The following NIBAN1 variants were observed in gnomAD, a reference collection of about 807,000 sequenced individuals.
NIBAN1 encodes niban apoptosis regulator 1.
Under a neutral mutation model 75.1 loss-of-function variants are expected in NIBAN1, and 81 were observed. That is an observed-to-expected ratio of 1.08 (90% CI 0.90 to 1.30). The LOEUF (loss-of-function observed/expected upper bound fraction) is 1.30. Ranked by LOEUF, NIBAN1 falls within the 50% of genes most tolerant of loss-of-function variation. The pLI, the probability that NIBAN1 is intolerant of heterozygous loss-of-function variation, is 0.00. For synonymous variants in NIBAN1, 436 were observed against 424.8 expected (o/e 1.03, Z -0.32); for missense variants, 1,133 against 1,128.1 (o/e 1.00, Z -0.06).
chr1:184,820,677 G>A (rs1654671751), intron 8 of NIBAN1, among the ~76,000 whole-genome samples: 1 of 152,242 alleles, frequency 6.6e-6, no homozygotes, highest in Admixed American at 6.5e-5. Flanking sequence ...CTGAAGTGAA[G>A]GAAGGAGCTG....
At chr1:184,842,391 A>C (rs1055856408) in intron 5 of NIBAN1, among the ~76,000 whole-genome samples, 2 of 152,232 alleles carry the variant, frequency 1.3e-5, no homozygotes, top group African/African-American at 4.8e-5. Context: ...CTGATGCTAC[A>C]GGTCCAGGAA....
At chr1:184,917,436 T>TCTC (rs1350012418) in intron 1 of NIBAN1, among the ~76,000 whole-genome samples, 5 of 147,640 alleles carry the variant, frequency 3.4e-5, no homozygotes, top group Non-Finnish European at 3.0e-5. Flanking sequence ...AAGGTCTTGA[T>TCTC]CTGACCTCGT....
intron 1 of NIBAN1, among the ~76,000 whole-genome samples, chr1:184,909,460 T>C (rs542340423): frequency 2.0e-5 from 3 of 152,328 alleles, no homozygotes; most frequent in African/African-American, 7.2e-5. Context: ...GGCCCAGATA[T>C]GCTTGCATTC....
intron 2 of NIBAN1, among the ~76,000 whole-genome samples, chr1:184,895,398 A>G (rs538077302): frequency 6.6e-6 from 1 of 152,126 alleles, no homozygotes; most frequent in Non-Finnish European, 1.5e-5. Flanking sequence ...TGTGGGCCAT[A>G]ATGTGCATTT....
intron 5 of NIBAN1, among the ~76,000 whole-genome samples, chr1:184,858,323 AT>A (rs1184667672): frequency 2.0e-5 from 3 of 152,348 alleles, no homozygotes; most frequent in African/African-American, 7.2e-5. Context: ...TCTTACAAGA[AT>A]ATTACAAAAC....
intron 1 of NIBAN1, among the ~76,000 whole-genome samples, chr1:184,933,346 T>C (rs1036641437): frequency 2.0e-5 from 3 of 152,216 alleles, no homozygotes; most frequent in African/African-American, 7.2e-5. Context: ...GTCCCTGCCC[T>C]GAGGAGCCAC....
At position 184,823,737 on chromosome 1, in the gene NIBAN1, C is replaced by T; in HGVS notation, c.723G>A (p.Leu241=). 6.2e-7 allele frequency: 1 copy of T among 1,614,044 alleles called. No homozygotes were observed. Among genetic ancestry groups the T allele is most frequent in the Non-Finnish European group, 8.5e-7 (1 of 1,179,924 alleles). Residue 241 remains leucine, a synonymous_variant, in exon 7 of 14, where the codon CTG becomes CTA. Transcript: ENST00000367511. ...EMITGDEIQI[L]SNLVMEELLP... ...GGAGCTCCTCCATCACCAGGTTACT[C>T]AGGATCTGCGCAGCAGAAGACAGCC...
chr1:184,853,978 CA>C (rs1206270526), intron 5 of NIBAN1, among the ~76,000 whole-genome samples: 3 of 151,762 alleles, frequency 2.0e-5, no homozygotes, highest in East Asian at 3.9e-4. Context: ...GTAGCCATAT[CA>C]AAAAAAGACA....
At chr1:184,818,565 T>G in intron 9 of NIBAN1, 73 bp downstream of exon 9, 1 of 1,348,228 alleles carries the variant, frequency 7.4e-7, no homozygotes. Flanking sequence ...GAGGGAGAAA[T>G]GGCAGATAAA....
chr1:184,963,265 T>G (rs975536923), intron 1 of NIBAN1, among the ~76,000 whole-genome samples: 17 of 152,084 alleles, frequency 1.1e-4, no homozygotes, highest in Admixed American at 1.3e-4. Context: ...GATTAAAAAT[T>G]TTAAGCAACT....
At chr1:184,835,955 A>T (rs887952730) in intron 5 of NIBAN1, among the ~76,000 whole-genome samples, 1 of 152,226 alleles carries the variant, frequency 6.6e-6, no homozygotes, top group Non-Finnish European at 1.5e-5. Context: ...GTTTTTGCCC[A>T]TTCAGTATGA....
intron 1 of NIBAN1, among the ~76,000 whole-genome samples, chr1:184,911,312 A>G (rs913189540): frequency 3.9e-5 from 6 of 152,232 alleles, no homozygotes; most frequent in Admixed American, 6.5e-5. Flanking sequence ...TGTGTTTCAC[A>G]ATACACACTG....
Position 184,913,313 on chromosome 1 carries a change from A to G in NIBAN1, c.56-14004T>C, listed in dbSNP as rs146953566. Among the ~76,000 whole-genome samples the G allele has an allele frequency of 4.6e-5, 7 of 152,064 alleles. No homozygotes were observed. In the East Asian group the frequency reaches 1.4e-3, roughly 29 times the overall value. On this transcript the variant is annotated intron_variant, in intron 1 of 13. Transcript: ENST00000367511. ...TTATACCGTTTGCACTGCCACCATT[A>G]TCATAGGAGATCATCATTTACACAC...
chr1:184,934,443 G>A (rs1657903261), intron 1 of NIBAN1, among the ~76,000 whole-genome samples: 1 of 152,138 alleles, frequency 6.6e-6, no homozygotes, highest in South Asian at 2.1e-4. Flanking sequence ...TAACAAACCT[G>A]CACATCTACC....
intron 11 of NIBAN1, among the ~76,000 whole-genome samples, chr1:184,805,073 C>G (rs1654157581): frequency 6.6e-6 from 1 of 152,202 alleles, no homozygotes; most frequent in African/African-American, 2.4e-5. Flanking sequence ...CAGGCGTGAG[C>G]CACTGTGCCC....
chr1:184,839,569 G>A (rs557346696), intron 5 of NIBAN1, among the ~76,000 whole-genome samples: 8 of 147,334 alleles, frequency 5.4e-5, no homozygotes, highest in South Asian at 4.3e-4. Context: ...GTGTGTGCAC[G>A]CGCGCGTGTG....
At chr1:184,842,296 T>C (rs550625593) in intron 5 of NIBAN1, among the ~76,000 whole-genome samples, 2 of 152,336 alleles carry the variant, frequency 1.3e-5, no homozygotes, top group African/African-American at 4.8e-5. Context: ...AACAGATAGC[T>C]GGCCCCCACT....
intron 1 of NIBAN1, among the ~76,000 whole-genome samples, chr1:184,966,322 C>T (rs1415872012): frequency 1.3e-5 from 2 of 152,178 alleles, no homozygotes; most frequent in Non-Finnish European, 2.9e-5. Context: ...CCTGACCCAC[C>T]ATTTAAACAG....
rs527713631 is a variant in NIBAN1 at position 184,884,331 on chromosome 1, C to T, written c.601+302G>A. 2.3e-4 allele frequency among the ~76,000 whole-genome samples: 33 copies of T among 144,994 alleles called. No individual in the cohort carries two copies. In the Admixed American group the frequency reaches 2.3e-3, roughly 10 times the overall value. ...CTCTGCCTCCCGGGTTCAAGTAATT[C>T]TCCTGCCTCAGCCTCCCAAGTAGCT... On this transcript the variant is annotated intron_variant, in intron 5 of 13. Coordinates refer to ENST00000367511, the MANE Select transcript of NIBAN1 (RefSeq NM_052966.4).
Sources: gnomAD v4.1 joint callset for allele counts (sites outside exome capture counted in the v4.1 genomes callset) on GRCh38, gnomAD v4.1.1 for gene constraint, MANE v1.5 for transcripts, NCBI Gene and HGNC (gene_info 2026-07-23, HGNC 2026-07-21) for gene names.